The following NKAIN3 variants were observed in gnomAD, a reference collection of about 807,000 sequenced individuals.
NKAIN3 encodes the protein sodium/potassium transporting ATPase interacting 3.
A neutral mutation model predicts 30.2 loss-of-function variants in NKAIN3; 25 were observed. The observed-to-expected ratio is 0.83, with a 90% CI of 0.60 to 1.16. NKAIN3 has a LOEUF of 1.16. Among genes scored for constraint, NKAIN3 ranks in the 50% most tolerant of loss-of-function variants. NKAIN3 has a pLI of 0.00. For missense variants in NKAIN3, 225 were observed against 254.1 expected, an observed-to-expected ratio of 0.89 and a Z score of 0.78; for synonymous variants, 91 against 89.6, an observed-to-expected ratio of 1.02 and a Z score of -0.09.
At chr8:62,278,232 AG>A (rs1813031309) in intron 1 of NKAIN3, among the ~76,000 whole-genome samples, 2 of 152,112 alleles carry the variant, frequency 1.3e-5, no homozygotes, top group Admixed American at 1.3e-4. Flanking sequence ...AGAAGTCCTA[AG>A]GCAGTTAGTA....
At chr8:62,896,857 G>A (rs913716304) in intron 4 of NKAIN3, among the ~76,000 whole-genome samples, 4 of 152,152 alleles carry the variant, frequency 2.6e-5, no homozygotes, top group Non-Finnish European at 5.9e-5. Context: ...CTTTAAGAGA[G>A]CAATCTCAGC....
intron 4 of NKAIN3, among the ~76,000 whole-genome samples, chr8:62,881,792 G>A (rs1005955101): frequency 6.6e-6 from 1 of 152,168 alleles, no homozygotes; most frequent in Non-Finnish European, 1.5e-5. Flanking sequence ...AATATGTTTA[G>A]TTTTCTAAGA....
chr8:62,958,933 G>T (rs1823494246), intron 6 of NKAIN3, among the ~76,000 whole-genome samples: 1 of 152,194 alleles, frequency 6.6e-6, no homozygotes. Context: ...TTTCCATGAG[G>T]ATGATGCCTA....
intron 1 of NKAIN3, among the ~76,000 whole-genome samples, chr8:62,552,905 T>TG (rs1442346907): frequency 6.6e-6 from 1 of 152,130 alleles, no homozygotes; most frequent in Non-Finnish European, 1.5e-5. Context: ...GCCATACAAT[T>TG]GCAATCATGC....
At chr8:62,443,597 A>G (rs1174596534) in intron 1 of NKAIN3, among the ~76,000 whole-genome samples, 1 of 151,888 alleles carries the variant, frequency 6.6e-6, no homozygotes, top group Non-Finnish European at 1.5e-5. Context: ...TGGCCAGGCT[A>G]GTCTTGAACT....
At chr8:62,691,209 G>C (rs1195156657) in intron 3 of NKAIN3, among the ~76,000 whole-genome samples, 1 of 152,128 alleles carries the variant, frequency 6.6e-6, no homozygotes, top group Non-Finnish European at 1.5e-5. Flanking sequence ...CTCCTACATT[G>C]TAGAAGTGCT....
intron 1 of NKAIN3, among the ~76,000 whole-genome samples, chr8:62,338,383 G>C (rs1466883933): frequency 6.6e-6 from 1 of 151,922 alleles, no homozygotes; most frequent in Non-Finnish European, 1.5e-5. Flanking sequence ...GTTTTGAAAT[G>C]CAACAGTGAA....
intron 3 of NKAIN3, among the ~76,000 whole-genome samples, chr8:62,658,698 G>T (rs1812842897): frequency 6.6e-6 from 1 of 152,140 alleles, no homozygotes; most frequent in African/African-American, 2.4e-5. Flanking sequence ...TCTAGCCTAT[G>T]CATTTGTTGA....
At chr8:62,674,868 A>G (rs541946473) in intron 3 of NKAIN3, among the ~76,000 whole-genome samples, 1 of 152,308 alleles carries the variant, frequency 6.6e-6, no homozygotes, top group Admixed American at 6.5e-5. Flanking sequence ...TGCTGCGCCA[A>G]TCACAAAACC....
chr8:62,813,253 G>A (rs1435235094), intron 4 of NKAIN3, among the ~76,000 whole-genome samples: 4 of 151,878 alleles, frequency 2.6e-5, no homozygotes, highest in Admixed American at 6.6e-5. Context: ...TTATAGCTTT[G>A]TAGTATATTT....
intron 1 of NKAIN3, among the ~76,000 whole-genome samples, chr8:62,257,572 T>C (rs1585603991): frequency 6.6e-6 from 1 of 152,194 alleles, no homozygotes; most frequent in East Asian, 1.9e-4. Context: ...AAATAATGTC[T>C]CTGTAAGCTG....
chr8:62,774,019 A>AT (rs1237479922), intron 4 of NKAIN3, among the ~76,000 whole-genome samples: 4 of 152,196 alleles, frequency 2.6e-5, no homozygotes, highest in African/African-American at 9.6e-5. Flanking sequence ...TTTTGACAAT[A>AT]TTGATTCTTC....
intron 3 of NKAIN3, among the ~76,000 whole-genome samples, chr8:62,610,549 A>C (rs1811257772): frequency 6.6e-6 from 1 of 151,936 alleles, no homozygotes; most frequent in South Asian, 2.1e-4. Context: ...TCAGAAACTC[A>C]AAGTTTTCTT....
chr8:62,588,825 T>G (rs1810561201), intron 2 of NKAIN3, among the ~76,000 whole-genome samples: 1 of 151,844 alleles, frequency 6.6e-6, no homozygotes, highest in Admixed American at 6.6e-5. Flanking sequence ...ATTTGATATG[T>G]TATTTGTGTT....
intron 1 of NKAIN3, among the ~76,000 whole-genome samples, chr8:62,391,274 T>C (rs1010622228): frequency 6.6e-6 from 1 of 152,154 alleles, no homozygotes; most frequent in Non-Finnish European, 1.5e-5. Context: ...TTCTGAATTG[T>C]TTTGTATAGC....
chr8:62,534,207 G>A (rs145321973), intron 1 of NKAIN3, among the ~76,000 whole-genome samples: 16 of 152,246 alleles, frequency 1.1e-4, no homozygotes, highest in African/African-American at 1.9e-4. Flanking sequence ...TCCAGTGAGC[G>A]TGCACAGGAA....
chr8:62,950,781 CT>C (rs140251798), intron 5 of NKAIN3, among the ~76,000 whole-genome samples: 10,048 of 152,078 alleles, frequency 0.066, 578 homozygotes, highest in East Asian at 0.28. Context: ...TGCCCTGGCA[CT>C]TTATCTGGTT....
intron 4 of NKAIN3, among the ~76,000 whole-genome samples, chr8:62,790,145 A>G (rs1243706241): frequency 2.0e-5 from 3 of 152,200 alleles, no homozygotes; most frequent in Admixed American, 2.0e-4. Context: ...CTGGGATGCA[A>G]GGCTGGTTCA....
chr8:62,660,028 T>C (rs778398088), intron 3 of NKAIN3, among the ~76,000 whole-genome samples: 13 of 152,202 alleles, frequency 8.5e-5, no homozygotes, highest in Non-Finnish European at 1.3e-4. Flanking sequence ...GGTATATCTT[T>C]ATCAGTAGTG....
Sources: gnomAD v4.1 joint callset for allele counts (sites outside exome capture counted in the v4.1 genomes callset) on GRCh38, gnomAD v4.1.1 for gene constraint, MANE v1.5 for transcripts, NCBI Gene and HGNC (gene_info 2026-07-23, HGNC 2026-07-21) for gene names.